HFE: variants seen among roughly 807,000 people sequenced by gnomAD.
The protein encoded by HFE is homeostatic iron regulator.
HFE carries 36 observed loss-of-function variants against 40.9 expected under a neutral mutation model. The observed-to-expected ratio is 0.88, with a 90% CI of 0.67 to 1.16. The LOEUF is 1.16. HFE is among the 50% of genes most tolerant of loss of function. The probability of loss-of-function intolerance (pLI) is 0.00; values close to 1 mark genes in which losing one functional copy is unlikely to be tolerated. For missense variants in HFE, 376 were observed against 432.0 expected, an observed-to-expected ratio of 0.87 and a Z score of 1.15; for synonymous variants, 157 against 165.4, an observed-to-expected ratio of 0.95 and a Z score of 0.39.
At chr6:26,092,575 T>G (rs1390646750) in intron 3 of HFE, 110 bp from the exon 4 acceptor site, 1 of 1,605,410 alleles carries the variant, frequency 6.2e-7, no homozygotes, top group Non-Finnish European at 8.5e-7. Flanking sequence ...CTTGTTTTTT[T>G]CTGAAAAGGG....
rs1199530060 is a variant in HFE at position 26,094,198 on chromosome 6, GGCACTACGTCTTA to G, written c.1022_1034del (p.His341LeufsTer119). 48 of 1,613,868 alleles carry G rather than the reference GGCACTACGTCTTA, an allele frequency of 3.0e-5. No homozygotes were observed. The highest frequency in any genetic ancestry group is 4.0e-5 in the Non-Finnish European group (47 of 1,180,012). On this transcript the variant is annotated frameshift_variant, in exon 6 of 6. Transcript: ENST00000357618. LOFTEE classifies it high-confidence loss of function. ...CTTGTCTCCACAGGAGGAGCCATGG[GGCACTACGTCTTA>G]GCTGAACGTGAGTGACACGCAGCCT...
intron 3 of HFE, 141 bp from the exon 4 acceptor site, chr6:26,092,544 A>C: frequency 6.7e-7 from 1 of 1,484,228 alleles, no homozygotes; most frequent in Non-Finnish European, 9.3e-7. Context: ...CTTAGGACAC[A>C]AAATGGTGTC....
chr6:26,092,552 G>C, intron 3 of HFE, 133 bp from the exon 4 acceptor site: 1 of 1,527,606 alleles, frequency 6.5e-7, no homozygotes, highest in Non-Finnish European at 9.0e-7. Flanking sequence ...ACAAAATGGT[G>C]TCTCTCCTGT....
chr6:26,098,263 G>A lies in HFE; in HGVS notation c.*4037G>A, dbSNP rs1763108061. On this transcript the variant is annotated 3_prime_UTR_variant, in exon 6 of 6. Transcript: ENST00000357618. ...TTAAGGTGTAGAAGAGATAGATATG[G>A]TGGATTTGGAGTTGATACTTATATA... 1 of 152,164 alleles carries A rather than the reference G, an allele frequency of 6.6e-6. No individual in the cohort carries two copies. The highest frequency in any genetic ancestry group is 2.4e-5 in the African/African-American group (1 of 41,446). 9.4% of individuals were successfully genotyped at this position (152,164 alleles called of 1,614,324 possible).
At chr6:26,092,626 A>T (rs893799972) in intron 3 of HFE, 59 bp from the exon 4 acceptor site, 6 of 1,613,990 alleles carry the variant, frequency 3.7e-6, no homozygotes, top group Non-Finnish European at 8.5e-7. Flanking sequence ...TGAAAGTTCC[A>T]GTCTTCCTGG....
chr6:26,092,299 T>C (rs759179912), intron 3 of HFE, among the ~76,000 whole-genome samples: 1 of 151,704 alleles, frequency 6.6e-6, no homozygotes, highest in South Asian at 2.1e-4. Context: ...GTTTCTTTCA[T>C]AGAACATAGC....
In HFE at chr6:26,094,960, A is replaced by G. The variant is rs1484010096; in HGVS notation, c.*734A>G. 1 of 160,312 alleles carries G rather than the reference A, an allele frequency of 6.2e-6. No individual in the cohort carries two copies. The highest frequency in any genetic ancestry group is 2.4e-5 in the African/African-American group (1 of 41,448). The allele number at this position is 160,312 out of a possible 1,614,324, so 9.9% of individuals were successfully genotyped here. A position where few individuals can be genotyped will look rare whatever the true frequency, so the allele number is the denominator to read the frequency against. Reference sequence around the variant, plus strand: ...CATGAAGGTGTCATACAGATTTGCAAAGTTTAATGGTGCCTTCATTTGGGA... The same window carrying G: ...CATGAAGGTGTCATACAGATTTGCAGAGTTTAATGGTGCCTTCATTTGGGA... On this transcript the variant is annotated 3_prime_UTR_variant, in exon 6 of 6. Coordinates refer to ENST00000357618, the MANE Select transcript of HFE (RefSeq NM_000410.4).
In HFE at chr6:26,096,809, A is replaced by G. The variant is rs1024547034; in HGVS notation, c.*2583A>G. ...TTGCATTAAAAATGCATATACTTTA[A>G]TAAATGTATATTGTATTGTATACTG... On this transcript the variant is annotated 3_prime_UTR_variant, in exon 6 of 6. Coordinates refer to ENST00000357618, the MANE Select transcript of HFE (RefSeq NM_000410.4). The G allele has an allele frequency of 2.8e-6, 1 of 358,262 alleles. No homozygotes were observed. The highest frequency in any genetic ancestry group is 5.4e-6 in the Non-Finnish European group (1 of 184,860). 22.2% of individuals were successfully genotyped at this position (358,262 alleles called of 1,614,324 possible).
At position 26,096,783 on chromosome 6, in the gene HFE, G is replaced by T; in HGVS notation, c.*2557G>T. ...TTGTCTATTACCTGTTAGTATTATT[G>T]TTGCATTAAAAATGCATATACTTTA... On this transcript the variant is annotated 3_prime_UTR_variant, in exon 6 of 6. Coordinates refer to ENST00000357618, the MANE Select transcript of HFE (RefSeq NM_000410.4). 2.8e-6 allele frequency: 1 copy of T among 360,814 alleles called. No individual in the cohort carries two copies. Among genetic ancestry groups the T allele is most frequent in the South Asian group, 2.2e-5 (1 of 46,314 alleles). The allele number at this position is 360,814 out of a possible 1,614,324, so 22.4% of individuals were successfully genotyped here.
intron 1 of HFE, among the ~76,000 whole-genome samples, chr6:26,087,893 G>GT (rs1561937072): frequency 6.6e-6 from 1 of 152,226 alleles, no homozygotes; most frequent in East Asian, 1.9e-4. Flanking sequence ...CAGCTGTGCA[G>GT]TTTTTTCCCC....
At chr6:26,093,553 A>G (rs1762877149) in intron 5 of HFE, among the ~76,000 whole-genome samples, 1 of 152,110 alleles carries the variant, frequency 6.6e-6, no homozygotes, top group Non-Finnish European at 1.5e-5. Context: ...AAATGTAGTT[A>G]AAGAAGACCC....
In HFE at chr6:26,091,683, C is replaced by T. The variant is rs139688153; in HGVS notation, c.616+94C>T. 244 of 1,374,914 alleles carry T rather than the reference C, an allele frequency of 1.8e-4. No homozygotes were observed. In the African/African-American group the frequency reaches 3.4e-3, roughly 19 times the overall value. The allele number at this position is 1,374,914 out of a possible 1,614,324, so 85.2% of individuals were successfully genotyped here. On this transcript the variant is annotated intron_variant, in intron 3 of 5. Coordinates refer to ENST00000357618, the MANE Select transcript of HFE (RefSeq NM_000410.4). ...TCCCTGGTTGGAGTTTCAGAGGTGG[C>T]TGAGGCTGTGTGCCTCTCCAAATTC...
Position 26,092,450 on chromosome 6 carries a change from A to G in HFE, c.617-235A>G, listed in dbSNP as rs569741567. Among the ~76,000 whole-genome samples the G allele has an allele frequency of 2.0e-5, 3 of 152,328 alleles. No homozygotes were observed. In the South Asian group the frequency reaches 6.2e-4, roughly 32 times the overall value. On this transcript the variant is annotated intron_variant, in intron 3 of 5. Transcript: ENST00000357618. The stretch of plus-strand genomic sequence containing the variant: ...AATTTTATCTATCAGAACAAAGAAC[A>G]TGGGTAACAGATATGTATATTTACA...
Position 26,091,376 on chromosome 6 carries a change from T to C in HFE, c.403T>C (p.Tyr135His), listed in dbSNP as rs1762691692. ...GCAAGAAGACAACAGTACCGAGGGC[T>C]ACTGGAAGTACGGGTATGATGGGCA... is the stretch of plus-strand genomic sequence containing the variant. ...EMQEDNSTEGYWKYGYDGQDH... is the reference protein window; with the variant it reads ...EMQEDNSTEGHWKYGYDGQDH... Residue 135 changes from tyrosine (Y) to histidine (H), a missense_variant, in exon 3 of 6, where the codon TAC becomes CAC. Around this residue, in one of 3 missense-constraint regions of HFE, gnomAD observed 200 missense variants for 228.5 expected, o/e 0.88. Transcript: ENST00000357618. 6.2e-7 allele frequency: 1 copy of C among 1,614,166 alleles called. No individual in the cohort carries two copies. Among genetic ancestry groups the C allele is most frequent in the South Asian group, 1.1e-5 (1 of 91,090 alleles).
chr6:26,091,354 A>C lies in HFE; in HGVS notation c.381A>C (p.Gln127His), dbSNP rs28934595. The C allele has an allele frequency of 3.7e-6, 6 of 1,614,164 alleles. No homozygotes were observed. Among genetic ancestry groups the C allele is most frequent in the Non-Finnish European group, 3.4e-6 (4 of 1,180,030 alleles). Residue 127 changes from glutamine to histidine, a missense_variant, in exon 3 of 6, where the codon CAA becomes CAC. Gln to His is a conservative substitution (Grantham distance 24). Around this residue, in one of 3 missense-constraint regions of HFE, gnomAD observed 200 missense variants for 228.5 expected, o/e 0.88. Coordinates refer to ENST00000357618, the MANE Select transcript of HFE (RefSeq NM_000410.4). ...TLQVILGCEM[Q>H]EDNSTEGYWK... ...AGGTCATCCTGGGCTGTGAAATGCA[A>C]GAAGACAACAGTACCGAGGGCTACT... is the stretch of plus-strand genomic sequence containing the variant.
chr6:26,089,108 T>TGGGGGGGGGGGGGG (rs60292295), intron 1 of HFE, among the ~76,000 whole-genome samples: 2 of 56,354 alleles, frequency 3.5e-5, no homozygotes, highest in South Asian at 7.5e-4. Flanking sequence ...TGTGTGTGTG[T>TGGGGGGGGGGGGGG]GGGGGGGGGG....
At chr6:26,089,781 G>T (rs1489425815) in intron 1 of HFE, among the ~76,000 whole-genome samples, 3 of 152,026 alleles carry the variant, frequency 2.0e-5, no homozygotes, top group Non-Finnish European at 4.4e-5. Flanking sequence ...ACAAAAATTA[G>T]CTGGGTGTGG....
At position 26,091,206 on chromosome 6, in the gene HFE, A is replaced by G. The variant is rs540719667; in HGVS notation, c.340+102A>G. The G allele has an allele frequency of 1.3e-5, 21 of 1,600,298 alleles. 1 individual carries two copies. In the South Asian group the frequency reaches 1.7e-4, roughly 13 times the overall value. On this transcript the variant is annotated intron_variant, in intron 2 of 5. Coordinates refer to ENST00000357618, the MANE Select transcript of HFE (RefSeq NM_000410.4). The stretch of plus-strand genomic sequence containing the variant: ...TGGAAGTCTGAGGTCTTGTGGGAGC[A>G]GGGAAGAGGGAAGGAATTTGCTTCC...
At chr6:26,087,537 C>T in intron 1 of HFE, 21 bp downstream of exon 1, 1 of 1,603,546 alleles carries the variant, frequency 6.2e-7, no homozygotes, top group Non-Finnish European at 8.5e-7. Context: ...GGGCTGCGGG[C>T]GAACTAGGGG....
Sources: gnomAD v4.1 joint callset for allele counts (sites outside exome capture counted in the v4.1 genomes callset) on GRCh38, gnomAD v4.1.1 for gene constraint, gnomAD v4.1.1 regional missense constraint, MANE v1.5 for transcripts, NCBI Gene and HGNC (gene_info 2026-07-23, HGNC 2026-07-21) for gene names.